PTGFR: variants seen among roughly 807,000 people sequenced by gnomAD.
PTGFR encodes the protein prostaglandin F2-alpha receptor.
In PTGFR, 15 loss-of-function variants were observed where a neutral mutation model predicts 26.2. That is an observed-to-expected ratio of 0.57 (90% CI 0.38 to 0.88). The LOEUF (loss-of-function observed/expected upper bound fraction) is 0.88, where lower values mean the gene tolerates loss of function less well. PTGFR is among the 40% of genes least tolerant of loss of function. The pLI, the probability that PTGFR is intolerant of heterozygous loss-of-function variation, is 0.00. For synonymous variants in PTGFR, 165 were observed against 151.1 expected (o/e 1.09, Z -0.68); for missense variants, 369 against 427.2 (o/e 0.86, Z 1.20).
In PTGFR at chr1:78,524,889, CT is replaced by C. The variant is rs202124763; in HGVS notation, c.799-11514del. ...GAATAACTTCATCTAAAGCTCTACA[CT>C]TTGGACAAATGCAAGATTTTTTTTT... On this transcript the variant is annotated intron_variant, in intron 2 of 2. Coordinates refer to ENST00000370757, the MANE Select transcript of PTGFR (RefSeq NM_000959.4). 7.9e-3 allele frequency among the ~76,000 whole-genome samples: 1,071 copies of C among 134,928 alleles called. 17 individuals carry two copies. Among genetic ancestry groups the C allele is most frequent in the African/African-American group, 0.028 (1,021 of 37,104 alleles). 88.5% of individuals were successfully genotyped at this position (134,928 alleles called of 152,430 possible).
At chr1:78,510,564 A>G (rs1471142051) in intron 2 of PTGFR, among the ~76,000 whole-genome samples, 1 of 152,188 alleles carries the variant, frequency 6.6e-6, no homozygotes, top group African/African-American at 2.4e-5. Flanking sequence ...ACCTCCCACC[A>G]GGCCCCACAT....
At position 78,536,722 on chromosome 1, in the gene PTGFR, C is replaced by G; in HGVS notation, c.*35C>G. On this transcript the variant is annotated 3_prime_UTR_variant, in exon 3 of 3. Coordinates refer to ENST00000370757, the MANE Select transcript of PTGFR (RefSeq NM_000959.4). ...ACAGTAAATCTGTGTGGGGCTAGAA[C>G]AAAATTAAGACATGTTTGGCAATAT... 6.4e-7 allele frequency: 1 copy of G among 1,570,304 alleles called. No individual in the cohort carries two copies. The highest frequency in any genetic ancestry group is 8.6e-7 in the Non-Finnish European group (1 of 1,161,324).
At chr1:78,517,949 A>G (rs1240401644) in intron 2 of PTGFR, among the ~76,000 whole-genome samples, 2 of 152,152 alleles carry the variant, frequency 1.3e-5, no homozygotes, top group African/African-American at 2.4e-5. Flanking sequence ...TGGAATTTAT[A>G]TTAGGAAGTA....
chr1:78,522,069 TCA>T (rs1484379470), intron 2 of PTGFR, among the ~76,000 whole-genome samples: 1 of 152,068 alleles, frequency 6.6e-6, no homozygotes, highest in Non-Finnish European at 1.5e-5. Context: ...AGAATCATTT[TCA>T]GAGTTCATTC....
In PTGFR at chr1:78,492,646, A is replaced by G. The variant is rs376005717; in HGVS notation, c.-72-26A>G. Reference sequence around the variant, plus strand: ...TCAGATGAGCAGTAATGCGGTGTTCATAATTCCTCTCCCTTTATCCTACAG... The same window carrying G: ...TCAGATGAGCAGTAATGCGGTGTTCGTAATTCCTCTCCCTTTATCCTACAG... On this transcript the variant is annotated intron_variant, in intron 1 of 2. Transcript: ENST00000370757. 7 of 1,214,302 alleles carry G rather than the reference A, an allele frequency of 5.8e-6. No homozygotes were observed. The African/African-American group carries it at 1.1e-4, about 18-fold the overall frequency. 75.2% of individuals were successfully genotyped at this position (1,214,302 alleles called of 1,614,324 possible).
chr1:78,519,709 A>G (rs190479144), intron 2 of PTGFR, among the ~76,000 whole-genome samples: 4 of 152,248 alleles, frequency 2.6e-5, no homozygotes, highest in African/African-American at 9.6e-5. Context: ...ACAAGTGCCC[A>G]TGGCCTTCCA....
intron 2 of PTGFR, among the ~76,000 whole-genome samples, chr1:78,533,667 A>C (rs559029631): frequency 6.6e-6 from 1 of 152,310 alleles, no homozygotes; most frequent in African/African-American, 2.4e-5. Context: ...TGGAAGCATA[A>C]TTATCAAATT....
In PTGFR at chr1:78,539,309, T is replaced by C. The variant is rs931565460; in HGVS notation, c.*2622T>C. On this transcript the variant is annotated 3_prime_UTR_variant, in exon 3 of 3. Coordinates refer to ENST00000370757, the MANE Select transcript of PTGFR (RefSeq NM_000959.4). ...ACTTTTGGACTTGAGAAATCTGCTT[T>C]TGTTTTGTGCCTACTCTGAGTTTAG... is the stretch of plus-strand genomic sequence containing the variant. The C allele has an allele frequency of 2.6e-5, 4 of 152,220 alleles. No individual in the cohort carries two copies. Among genetic ancestry groups the C allele is most frequent in the African/African-American group, 7.2e-5 (3 of 41,574 alleles). The allele number at this position is 152,220 out of a possible 1,614,324, so 9.4% of individuals were successfully genotyped here.
At position 78,538,669 on chromosome 1, in the gene PTGFR, C is replaced by T. The variant is rs908650560; in HGVS notation, c.*1982C>T. On this transcript the variant is annotated 3_prime_UTR_variant, in exon 3 of 3. Coordinates refer to ENST00000370757, the MANE Select transcript of PTGFR (RefSeq NM_000959.4). ...CTGTTATTATATGTGTTGCATGTAG[C>T]TTGGCGATTTACTGTGTAATGAATA... The T allele has an allele frequency of 2.6e-5, 4 of 151,984 alleles. No homozygotes were observed. Among genetic ancestry groups the T allele is most frequent in the African/African-American group, 9.7e-5 (4 of 41,386 alleles). The allele number at this position is 151,984 out of a possible 1,614,324, so 9.4% of individuals were successfully genotyped here.
chr1:78,523,918 G>A (rs1402795567), intron 2 of PTGFR, among the ~76,000 whole-genome samples: 2 of 152,006 alleles, frequency 1.3e-5, no homozygotes, highest in Admixed American at 1.3e-4. Flanking sequence ...GGAACTATAT[G>A]CCCAGCATGT....
chr1:78,517,601 T>C (rs1650121212), intron 2 of PTGFR, among the ~76,000 whole-genome samples: 3 of 152,084 alleles, frequency 2.0e-5, no homozygotes, highest in African/African-American at 2.4e-5. Flanking sequence ...ATAGCAGGGA[T>C]GAGCTTCTTG....
At chr1:78,532,882 T>G (rs1650556566) in intron 2 of PTGFR, among the ~76,000 whole-genome samples, 1 of 152,088 alleles carries the variant, frequency 6.6e-6, no homozygotes, top group Non-Finnish European at 1.5e-5. Context: ...ATTAACTGAG[T>G]AAAAATATTA....
chr1:78,510,458 C>T (rs532123327), intron 2 of PTGFR, among the ~76,000 whole-genome samples: 4 of 152,170 alleles, frequency 2.6e-5, no homozygotes, highest in African/African-American at 9.6e-5. Flanking sequence ...CTCTGTTAAA[C>T]AAGCAGATCT....
chr1:78,522,472 A>T (rs1287631217), intron 2 of PTGFR, among the ~76,000 whole-genome samples: 4 of 152,096 alleles, frequency 2.6e-5, no homozygotes, highest in Non-Finnish European at 4.4e-5. Flanking sequence ...ACACAAGTAC[A>T]TACCCAGCTT....
At chr1:78,504,633 A>T (rs1270790417) in intron 2 of PTGFR, among the ~76,000 whole-genome samples, 1 of 152,164 alleles carries the variant, frequency 6.6e-6, no homozygotes, top group East Asian at 1.9e-4. Context: ...TGCTTTTCTC[A>T]GGCTGAGATG....
chr1:78,515,387 A>G (rs1021080075), intron 2 of PTGFR, among the ~76,000 whole-genome samples: 3 of 152,176 alleles, frequency 2.0e-5, no homozygotes, highest in Admixed American at 2.0e-4. Context: ...AAATCAGAAG[A>G]CTCAAATATG....
Position 78,493,297 on chromosome 1 carries a change from G to C in PTGFR, c.554G>C (p.Trp185Ser). The C allele has an allele frequency of 6.2e-7, 1 of 1,614,116 alleles. No homozygotes were observed. Among genetic ancestry groups the C allele is most frequent in the Non-Finnish European group, 8.5e-7 (1 of 1,180,032 alleles). Residue 185 changes from tryptophan (W) to serine (S), a missense_variant, in exon 2 of 3, where the codon TGG becomes TCG. Physicochemically the swap from Trp to Ser is radical, Grantham distance 177. Transcript: ENST00000370757. ...TATAAAATTCAGGCGTCGAGGACCT[G>C]GTGTTTCTACAACACAGAAGACATC... ...RDYKIQASRT[W>S]CFYNTEDIKD...
At chr1:78,501,224 G>T (rs1649696679) in intron 2 of PTGFR, among the ~76,000 whole-genome samples, 1 of 152,120 alleles carries the variant, frequency 6.6e-6, no homozygotes, top group Non-Finnish European at 1.5e-5. Context: ...ATGTTGATGT[G>T]TCCCAAAGCT....
chr1:78,494,675 G>A (rs1018829759), intron 2 of PTGFR, among the ~76,000 whole-genome samples: 2 of 152,132 alleles, frequency 1.3e-5, no homozygotes, highest in Non-Finnish European at 2.9e-5. Flanking sequence ...GTGCGATCTC[G>A]GCTTATTGCA....
Sources: allele counts gnomAD v4.1 joint callset (sites outside exome capture counted in the v4.1 genomes callset), GRCh38; gene constraint gnomAD v4.1.1; transcripts MANE v1.5; gene names NCBI Gene and HGNC (gene_info 2026-07-23, HGNC 2026-07-21).